Variants in RAPGEF2 observed in about 807,000 individuals in gnomAD.
RAPGEF2 encodes the protein PDZ domain containing guanine nucleotide exchange factor (GEF) 1.
Under a neutral mutation model 186.7 loss-of-function variants are expected in RAPGEF2, and 54 were observed. That is an observed-to-expected ratio of 0.29 (90% CI 0.23 to 0.36). The LOEUF is 0.36. Among genes scored for constraint, RAPGEF2 ranks in the 10% least tolerant of loss-of-function variants. The pLI, the probability that RAPGEF2 is intolerant of heterozygous loss-of-function variation, is 1.00. For missense variants in RAPGEF2, 1,532 were observed against 2,045.0 expected, an observed-to-expected ratio of 0.75 and a Z score of 4.84; for synonymous variants, 712 against 705.9, an observed-to-expected ratio of 1.01 and a Z score of -0.14.
At chr4:159,298,163 A>G (rs1431170757) in intron 7 of RAPGEF2, among the ~76,000 whole-genome samples, 1 of 152,162 alleles carries the variant, frequency 6.6e-6, no homozygotes, top group Non-Finnish European at 1.5e-5. Context: ...AATCAGAAAA[A>G]CATTAGGCCT....
At chr4:159,356,557 T>A (rs1479493836) in intron 29 of RAPGEF2, among the ~76,000 whole-genome samples, 1 of 152,212 alleles carries the variant, frequency 6.6e-6, no homozygotes, top group African/African-American at 2.4e-5. Context: ...ATGACTTGAT[T>A]TCTTTTCTAA....
intron 7 of RAPGEF2, among the ~76,000 whole-genome samples, chr4:159,274,365 C>CT (rs1758568150): frequency 1.3e-5 from 2 of 152,108 alleles, no homozygotes; most frequent in African/African-American, 4.8e-5. Context: ...GATCAAATAA[C>CT]TTTAATCATT....
chr4:159,106,630 T>G (rs1737917375), intron 1 of RAPGEF2, among the ~76,000 whole-genome samples: 1 of 152,222 alleles, frequency 6.6e-6, no homozygotes, highest in African/African-American at 2.4e-5. Flanking sequence ...TTTCTGAGGA[T>G]AGACTCGATA....
chr4:159,159,987 A>G (rs950122679), intron 1 of RAPGEF2, among the ~76,000 whole-genome samples: 3 of 152,208 alleles, frequency 2.0e-5, no homozygotes, highest in African/African-American at 7.2e-5. Context: ...AAAAAAACCC[A>G]CATTTAAACT....
At chr4:159,271,392 G>A (rs930353812) in intron 7 of RAPGEF2, among the ~76,000 whole-genome samples, 1 of 152,090 alleles carries the variant, frequency 6.6e-6, no homozygotes, top group Non-Finnish European at 1.5e-5. Context: ...AAAAATGGTA[G>A]TACACATAAG....
chr4:159,290,754 C>CAA lies in RAPGEF2; in HGVS notation c.544-13577_544-13576dup, dbSNP rs571399743. ...TTTAATGGCATGTGTCTAAGGTTTACAAAAAAAAAAAAGATGAAGGAAAAG... is the reference window on the plus strand; with the variant it reads ...TTTAATGGCATGTGTCTAAGGTTTACAAAAAAAAAAAAAAGATGAAGGAAAAG... On this transcript the variant is annotated intron_variant, in intron 7 of 29. Transcript: ENST00000691494. Among the ~76,000 whole-genome samples the CAA allele has an allele frequency of 8.0e-3, 1,023 of 127,150 alleles. 9 individuals are homozygous for CAA. Among genetic ancestry groups the CAA allele is most frequent in the African/African-American group, 0.027 (966 of 35,370 alleles). 83.4% of individuals were successfully genotyped at this position (127,150 alleles called of 152,430 possible).
intron 4 of RAPGEF2, among the ~76,000 whole-genome samples, chr4:159,233,390 C>G (rs1752859574): frequency 6.6e-6 from 1 of 152,118 alleles, no homozygotes; most frequent in Admixed American, 6.5e-5. Flanking sequence ...GTAATCCCAC[C>G]ACCATTTGTT....
At chr4:159,220,963 T>C (rs1245141978) in intron 4 of RAPGEF2, among the ~76,000 whole-genome samples, 2 of 152,134 alleles carry the variant, frequency 1.3e-5, no homozygotes, top group Admixed American at 6.5e-5. Flanking sequence ...GTCAGGTTGA[T>C]ATAGAGGAGA....
At chr4:159,245,375 A>G (rs1754513371) in intron 7 of RAPGEF2, among the ~76,000 whole-genome samples, 1 of 152,046 alleles carries the variant, frequency 6.6e-6, no homozygotes, top group Non-Finnish European at 1.5e-5. Context: ...CCGTATTTCA[A>G]ATTGCTAAAA....
chr4:159,219,985 A>T (rs1751382628), intron 4 of RAPGEF2, among the ~76,000 whole-genome samples: 1 of 152,196 alleles, frequency 6.6e-6, no homozygotes. Flanking sequence ...CAAGAGATAA[A>T]AAGTGTTTTG....
intron 1 of RAPGEF2, among the ~76,000 whole-genome samples, chr4:159,148,247 T>A (rs1290423491): frequency 1.3e-5 from 2 of 152,194 alleles, no homozygotes; most frequent in Non-Finnish European, 2.9e-5. Flanking sequence ...ATAGTATTCA[T>A]AAAGAAATAG....
chr4:159,186,058 T>TA lies in RAPGEF2; in HGVS notation c.70-581dup, dbSNP rs537902689. On this transcript the variant is annotated intron_variant, in intron 1 of 29. Transcript: ENST00000691494. ...AATTTTTACTTCTTCTGAACTTTCATAAATAACTTTGAGTCTTTTTTTTTC... is the reference window on the plus strand; with the variant it reads ...AATTTTTACTTCTTCTGAACTTTCATAAAATAACTTTGAGTCTTTTTTTTTC... Among the ~76,000 whole-genome samples, 330 of 152,142 alleles carry TA rather than the reference T, an allele frequency of 2.2e-3. 1 individual carries two copies. Among genetic ancestry groups the TA allele is most frequent in the African/African-American group, 7.4e-3 (306 of 41,548 alleles).
intron 1 of RAPGEF2, among the ~76,000 whole-genome samples, chr4:159,115,202 A>G (rs1226478362): frequency 6.6e-6 from 1 of 152,142 alleles, no homozygotes; most frequent in Admixed American, 6.5e-5. Flanking sequence ...TATTTTTTTC[A>G]TAACTGAAAT....
intron 23 of RAPGEF2, 101 bp from the exon 24 acceptor site, chr4:159,345,005 C>A: frequency 1.1e-6 from 1 of 914,862 alleles, no homozygotes; most frequent in Non-Finnish European, 1.7e-6. Context: ...AGGCATGTGA[C>A]CTTTTGAACA....
At chr4:159,348,238 A>ATGGATGGATG (rs1561329802) in intron 25 of RAPGEF2, among the ~76,000 whole-genome samples, 1 of 126,006 alleles carries the variant, frequency 7.9e-6, no homozygotes, top group African/African-American at 2.8e-5. Flanking sequence ...ATAGATAGAT[A>ATGGATGGATG]GATAGATGGA....
At chr4:159,337,191 G>C (rs1198888078) in intron 17 of RAPGEF2, among the ~76,000 whole-genome samples, 1 of 152,180 alleles carries the variant, frequency 6.6e-6, no homozygotes, top group Admixed American at 6.5e-5. Context: ...TTAAAAGTGA[G>C]TCATTGGATT....
At chr4:159,304,222 A>G (rs1326228873) in intron 7 of RAPGEF2, 120 bp from the exon 8 acceptor site, 3 of 944,266 alleles carry the variant, frequency 3.2e-6, no homozygotes, top group Non-Finnish European at 4.5e-6. Flanking sequence ...GTGAATGTGG[A>G]AAATGAATAC....
chr4:159,191,467 G>A (rs986449177), intron 2 of RAPGEF2, among the ~76,000 whole-genome samples: 6 of 152,114 alleles, frequency 3.9e-5, no homozygotes, highest in East Asian at 1.9e-4. Flanking sequence ...CAGGCCGGGC[G>A]CGATGGCTAA....
chr4:159,187,599 T>G (rs1046752280), intron 2 of RAPGEF2, among the ~76,000 whole-genome samples: 1 of 152,230 alleles, frequency 6.6e-6, no homozygotes, highest in African/African-American at 2.4e-5. Flanking sequence ...TTATACTATA[T>G]TTGTTTTTAT....
Sources: allele counts gnomAD v4.1 joint callset (sites outside exome capture counted in the v4.1 genomes callset), GRCh38; gene constraint gnomAD v4.1.1; transcripts MANE v1.5; gene names NCBI Gene and HGNC (gene_info 2026-07-23, HGNC 2026-07-21).